BPTF: variants seen among roughly 807,000 people sequenced by gnomAD.
BPTF encodes bromodomain PHD finger transcription factor, also known as nucleosome-remodeling factor subunit BPTF.
Under a neutral mutation model 292.5 loss-of-function variants are expected in BPTF, and 18 were observed. That is an observed-to-expected ratio of 0.06 (90% CI 0.04 to 0.09). BPTF has a LOEUF of 0.09. BPTF is among the 10% of genes least tolerant of loss of function. The pLI, the probability that BPTF is intolerant of heterozygous loss-of-function variation, is 1.00. For synonymous variants in BPTF, 1,225 were observed against 1,251.9 expected (o/e 0.98, Z 0.45); for missense variants, 2,726 against 3,498.7 (o/e 0.78, Z 5.57).
chr17:67,918,043 CCCACCTCGG>C (rs2063170815), intron 11 of BPTF, among the ~76,000 whole-genome samples: 3 of 152,088 alleles, frequency 2.0e-5, no homozygotes, highest in Non-Finnish European at 2.9e-5. Context: ...TTGTGATCTG[CCCACCTCGG>C]CCTCCCAAAG....
chr17:67,958,061 G>A (rs1555681819), intron 23 of BPTF, among the ~76,000 whole-genome samples: 1 of 152,222 alleles, frequency 6.6e-6, no homozygotes, highest in African/African-American at 2.4e-5. Flanking sequence ...GCCAGACACA[G>A]AGGCTCACGC....
intron 7 of BPTF, among the ~76,000 whole-genome samples, chr17:67,899,874 A>G (rs746822320): frequency 3.0e-4 from 46 of 152,142 alleles, no homozygotes; most frequent in Non-Finnish European, 5.4e-4. Flanking sequence ...TGGGATGCAC[A>G]CACATAGGTT....
intron 17 of BPTF, among the ~76,000 whole-genome samples, chr17:67,930,669 G>C (rs978433023): frequency 6.6e-6 from 1 of 151,942 alleles, no homozygotes. Context: ...AAGGACCAGG[G>C]GCAGTAGCTC....
In BPTF at chr17:67,929,376, A is replaced by G. The variant is rs1280046088; in HGVS notation, c.6039A>G (p.Pro2013=). 3.1e-6 allele frequency: 5 copies of G among 1,614,052 alleles called. No individual in the cohort carries two copies. The highest frequency in any genetic ancestry group is 4.2e-6 in the Non-Finnish European group (5 of 1,180,020). Reference sequence around the variant, plus strand: ...AGCAGAAAGTCCTGGGTATCATTCCATCAAGTACAGGTACCAGTCAGCAAA... The same window carrying G: ...AGCAGAAAGTCCTGGGTATCATTCCGTCAAGTACAGGTACCAGTCAGCAAA... ...QVQQKVLGII[P]SSTGTSQQTF... is the part of the protein sequence containing the mutation. The change falls in exon 17 of 28, where the codon CCA becomes CCG. Residue 2013 remains proline, a synonymous_variant. Coordinates refer to ENST00000306378, the MANE Select transcript of BPTF (RefSeq NM_182641.4).
At chr17:67,964,862 G>A (rs1171340804) in intron 25 of BPTF, among the ~76,000 whole-genome samples, 6 of 151,824 alleles carry the variant, frequency 4.0e-5, no homozygotes, top group Admixed American at 6.6e-5. Context: ...AGCTGGGCGT[G>A]GTGGCGGGCG....
intron 18 of BPTF, 78 bp from the exon 19 acceptor site, chr17:67,940,361 T>G: frequency 1.6e-6 from 2 of 1,240,246 alleles, no homozygotes; most frequent in Non-Finnish European, 2.3e-6. Flanking sequence ...AATACGTTCA[T>G]GTGAGGTGTT....
rs143012679 is a variant in BPTF at position 67,922,904 on chromosome 17, G to A, written c.5622G>A (p.Thr1874=). 3.2e-5 allele frequency: 52 copies of A among 1,613,948 alleles called. No homozygotes were observed. In the African/African-American group the frequency reaches 5.5e-4, roughly 17 times the overall value. The change falls in exon 14 of 28, where the codon ACG becomes ACA. Residue 1874 remains threonine (T), a synonymous_variant. Transcript: ENST00000306378. The part of the protein sequence containing the change: ...SSALRPKRPE[T]PKQTGPVIIE... ...CACTGCGGCCAAAGAGACCAGAAACGCCCAAGCAAACTGGCCCTGTTATTA... is the reference window on the plus strand; with the variant it reads ...CACTGCGGCCAAAGAGACCAGAAACACCCAAGCAAACTGGCCCTGTTATTA...
chr17:67,888,589 CAA>C (rs776548348), intron 4 of BPTF, among the ~76,000 whole-genome samples: 814 of 63,522 alleles, frequency 0.013, 4 homozygotes, highest in African/African-American at 0.037. Flanking sequence ...GACTCCGTCT[CAA>C]AAAAAAAAAA....
chr17:67,876,503 G>A (rs1446944528), intron 4 of BPTF, among the ~76,000 whole-genome samples: 1 of 152,164 alleles, frequency 6.6e-6, no homozygotes, highest in Non-Finnish European at 1.5e-5. Context: ...ATGAGAGATT[G>A]ATCATTAAGA....
chr17:67,856,014 A>G (rs1283943900), intron 2 of BPTF, among the ~76,000 whole-genome samples: 3 of 152,292 alleles, frequency 2.0e-5, no homozygotes, highest in South Asian at 4.2e-4. Context: ...GGCATTTTCA[A>G]TCTGGCAATT....
intron 2 of BPTF, among the ~76,000 whole-genome samples, chr17:67,861,404 C>A (rs1030586035): frequency 2.0e-5 from 3 of 149,820 alleles, no homozygotes; most frequent in African/African-American, 4.9e-5. Context: ...AGTCTCAGCT[C>A]ACTGCAACCC....
At position 67,841,236 on chromosome 17, in the gene BPTF, C is replaced by T. The variant is rs560651636; in HGVS notation, c.614-12704C>T. Among the ~76,000 whole-genome samples the T allele has an allele frequency of 2.1e-3, 313 of 151,826 alleles. 2 individuals are homozygous for T. The highest frequency in any genetic ancestry group is 7.3e-3 in the African/African-American group (301 of 41,410). ...TAGCCTGACCAACATGGCGAAACCC[C>T]GTCTCTACTAAAAATACAAAAAATT... On this transcript the variant is annotated intron_variant, in intron 1 of 27. Transcript: ENST00000306378.
At chr17:67,840,414 C>T (rs921385691) in intron 1 of BPTF, among the ~76,000 whole-genome samples, 10 of 150,902 alleles carry the variant, frequency 6.6e-5, no homozygotes, top group Non-Finnish European at 1.3e-4. Flanking sequence ...GCCAAGATAC[C>T]AAAATCTTTA....
Position 67,913,273 on chromosome 17 carries a change from A to G in BPTF, c.5303+86A>G. On this transcript the variant is annotated intron_variant, in intron 11 of 27. Coordinates refer to ENST00000306378, the MANE Select transcript of BPTF (RefSeq NM_182641.4). ...GAATATCTCATTTTTAAAAAATGAG[A>G]TAATAGAGATAAGACAGGAAACATA... 3.4e-6 allele frequency: 5 copies of G among 1,462,478 alleles called. No homozygotes were observed. The South Asian group carries it at 5.6e-5, about 16-fold the overall frequency. 90.6% of individuals were successfully genotyped at this position (1,462,478 alleles called of 1,614,324 possible). A position where few individuals can be genotyped will look rare whatever the true frequency, so the allele number is the denominator to read the frequency against.
rs1368215728 is a variant in BPTF, at chr17:67,854,481, G to T, written c.1155G>T (p.Gly385=). The T allele has an allele frequency of 1.2e-6, 2 of 1,614,190 alleles. No homozygotes were observed. The highest frequency in any genetic ancestry group is 2.2e-5 in the South Asian group (2 of 91,088). ...NIAREELMSE[G]VIQYDDHCRV... is the part of the protein sequence containing the mutation. ...CTCGAGAGGAATTGATGTCTGAAGG[G>T]GTGATACAGTATGATGACCATTGTA... is the stretch of plus-strand genomic sequence containing the variant. Residue 385 remains glycine (G), a synonymous_variant, in exon 2 of 28, where the codon GGG becomes GGT. Coordinates refer to ENST00000306378, the MANE Select transcript of BPTF (RefSeq NM_182641.4). The surrounding 1 kb of genome is among the most constrained non-coding windows in gnomAD (Gnocchi z 5.6).
At chr17:67,976,292 G>A (rs542175328) in intron 27 of BPTF, among the ~76,000 whole-genome samples, 1 of 152,292 alleles carries the variant, frequency 6.6e-6, no homozygotes, top group South Asian at 2.1e-4. Flanking sequence ...GGCCAACATG[G>A]GGAAACCCCG....
intron 2 of BPTF, among the ~76,000 whole-genome samples, chr17:67,864,084 A>G (rs1204341683): frequency 1.3e-5 from 2 of 152,186 alleles, no homozygotes; most frequent in African/African-American, 4.8e-5. Flanking sequence ...TGTAAGAACC[A>G]GAGCTTCTAC....
chr17:67,964,125 G>A (rs1182840552), intron 24 of BPTF, 87 bp from the exon 25 acceptor site: 53 of 1,373,798 alleles, frequency 3.9e-5, no homozygotes, highest in Non-Finnish European at 5.2e-5. Flanking sequence ...ATATCCCAGG[G>A]TTTAGCAAAT....
chr17:67,931,340 C>T (rs1305760958), intron 17 of BPTF, among the ~76,000 whole-genome samples: 1 of 151,596 alleles, frequency 6.6e-6, no homozygotes, highest in Non-Finnish European at 1.5e-5. Context: ...GGACATGGTG[C>T]CATTCACCCA....
Sources: allele counts gnomAD v4.1 joint callset (sites outside exome capture counted in the v4.1 genomes callset), GRCh38; gene constraint gnomAD v4.1.1; non-coding constraint Gnocchi (gnomAD v3.1); transcripts MANE v1.5; gene names NCBI Gene and HGNC (gene_info 2026-07-23, HGNC 2026-07-21).